The following DOK1 variants were observed in gnomAD, a reference collection of about 807,000 sequenced individuals.
DOK1 encodes the protein docking protein 1.
A neutral mutation model predicts 24.0 loss-of-function variants in DOK1; 12 were observed. The observed-to-expected ratio is 0.50, with a 90% CI of 0.32 to 0.81. DOK1 has a LOEUF of 0.81. Ranked by LOEUF, DOK1 falls within the 30% of genes least tolerant of loss-of-function variation. The pLI is 0.03. For missense variants in DOK1, 591 were observed against 620.7 expected, an observed-to-expected ratio of 0.95 and a Z score of 0.51; for synonymous variants, 250 against 260.9, an observed-to-expected ratio of 0.96 and a Z score of 0.40.
At chr2:74,552,189 A>G, upstream of DOK1, 1 of 804,338 alleles carries the variant, frequency 1.2e-6, no homozygotes, top group South Asian at 1.8e-5. Context: ...TTGGTTTGTC[A>G]TCCATGGATT....
chr2:74,549,690 G>A lies in DOK1; in HGVS notation c.-358+518G>A. 1 of 1,456,908 alleles carries A rather than the reference G, an allele frequency of 6.9e-7. No homozygotes were observed. Among genetic ancestry groups the A allele is most frequent in the Non-Finnish European group, 9.1e-7 (1 of 1,099,742 alleles). 90.2% of individuals were successfully genotyped at this position (1,456,908 alleles called of 1,614,324 possible). ...TGTGCCTGCTGTAAACCCAGTGGCG[G>A]GATGGGCCCGAGGCGGCGCTGAGAG... On this transcript the variant is annotated intron_variant, in intron 1 of 4. Transcript: ENST00000409429. This position sits in a 1 kb window ranked among gnomAD's most constrained non-coding sequence, Gnocchi z 5.3.
chr2:74,552,673 G>A (rs372837797), upstream of DOK1: 73 of 1,483,094 alleles, frequency 4.9e-5, no homozygotes, highest in African/African-American at 2.5e-4. Context: ...CAAAGTGTGC[G>A]TGAGAGAAAC....
At chr2:74,553,004 TGAGA>T (rs1032521443), upstream of DOK1, 4 of 232,742 alleles carry the variant, frequency 1.7e-5, no homozygotes, top group Non-Finnish European at 2.5e-5. Flanking sequence ...ACTGTGGGAA[TGAGA>T]GAGAGAAAAC....
At chr2:74,550,141 G>A, upstream of DOK1, 1 of 1,580,620 alleles carries the variant, frequency 6.3e-7, no homozygotes, top group South Asian at 1.2e-5. Context: ...AGTACTCTCG[G>A]CTATCCTGGG....
rs771315474 is a variant in DOK1 at position 74,549,444 on chromosome 2, C to T, written c.-358+272C>T. 1.9e-6 allele frequency: 3 copies of T among 1,613,308 alleles called. No individual in the cohort carries two copies. The highest frequency in any genetic ancestry group is 2.5e-6 in the Non-Finnish European group (3 of 1,179,760). ...GCAGACCACGTGGCTGTTGTGGGCG[C>T]TCCAGCCTTTGTCGCACACTTGCGA... On this transcript the variant is annotated intron_variant, in intron 1 of 4. Transcript: ENST00000409429. The surrounding 1 kb of genome is among the most constrained non-coding windows in gnomAD (Gnocchi z 5.3).
At chr2:74,552,555 G>A (rs773238218), upstream of DOK1, 10 of 1,611,720 alleles carry the variant, frequency 6.2e-6, no homozygotes, top group East Asian at 4.5e-5. Context: ...GGAAGGGGAC[G>A]GAGACCCCAA....
At position 74,557,103 on chromosome 2, in the gene DOK1, G is replaced by A; in HGVS notation, c.1435G>A (p.Gly479Ser). Residue 479 changes from glycine to serine, a missense_variant, in exon 5 of 5, where the codon GGC becomes AGC. Physicochemically the swap from Gly to Ser is moderately conservative, Grantham distance 56. Transcript: ENST00000233668. ...TGACAAGACTGGGGTCAAGTCAGAG[G>A]GCTCTACCTGAGAAGGACGGCAAGG... ...GTDKTGVKSE[G>S]ST The A allele has an allele frequency of 6.2e-7, 1 of 1,606,476 alleles. No homozygotes were observed. The highest frequency in any genetic ancestry group is 8.5e-7 in the Non-Finnish European group (1 of 1,174,480).
chr2:74,555,054 C>G lies in DOK1; in HGVS notation c.61-100C>G. On this transcript the variant is annotated intron_variant, in intron 1 of 4. Transcript: ENST00000233668. The surrounding 1 kb of genome is among the most constrained non-coding windows in gnomAD (Gnocchi z 6.1). The stretch of plus-strand genomic sequence containing the variant: ...TCGCCCCCAACCCCGTTTGGAAGCC[C>G]CAGATCCCAAATCGACTTGCGCCGC... 6.8e-7 allele frequency: 1 copy of G among 1,465,692 alleles called. No individual in the cohort carries two copies. Among genetic ancestry groups the G allele is most frequent in the East Asian group, 2.4e-5 (1 of 40,956 alleles). The allele number at this position is 1,465,692 out of a possible 1,614,324, so 90.8% of individuals were successfully genotyped here.
chr2:74,555,138 C>G lies in DOK1; in HGVS notation c.61-16C>G, dbSNP rs767256272. The G allele has an allele frequency of 5.6e-6, 9 of 1,601,546 alleles. No individual in the cohort carries two copies. The highest frequency in any genetic ancestry group is 7.7e-6 in the Non-Finnish European group (9 of 1,172,850). On this transcript the variant is annotated splice_polypyrimidine_tract_variant and intron_variant, in intron 1 of 4. Transcript: ENST00000233668. The surrounding 1 kb of genome is among the most constrained non-coding windows in gnomAD (Gnocchi z 6.1). ...CGCACGCCACTCCCTCTCGAGCACT[C>G]TCTCTCTCTCCCTAGAGGTGGAGGA...
At chr2:74,554,680 C>G, upstream of DOK1, 1 of 1,502,256 alleles carries the variant, frequency 6.7e-7, no homozygotes, top group Non-Finnish European at 9.1e-7. This position sits in a 1 kb window ranked among gnomAD's most constrained non-coding sequence, Gnocchi z 4.9. Context: ...GAAACTCCTC[C>G]AGGGAACCCG....
At position 74,557,017 on chromosome 2, in the gene DOK1, G is replaced by T. The variant is rs1283727461; in HGVS notation, c.1349G>T (p.Ser450Ile). The change falls in exon 5 of 5, where the codon AGC (serine) becomes ATC (isoleucine). Residue 450 changes from serine to isoleucine, a missense_variant. Physicochemically the swap from Ser to Ile is moderately radical, Grantham distance 142 (BLOSUM62 -2). Coordinates refer to ENST00000233668, the MANE Select transcript of DOK1 (RefSeq NM_001381.5). Reference protein sequence around the residue: ...GIKSHNSALYSQVQKSGASGS... With the variant: ...GIKSHNSALYIQVQKSGASGS... ...AAAAGCCACAACTCAGCCCTGTACAGCCAGGTCCAGAAGAGCGGGGCCTCA... is the reference window on the plus strand; with the variant it reads ...AAAAGCCACAACTCAGCCCTGTACATCCAGGTCCAGAAGAGCGGGGCCTCA... 6.2e-7 allele frequency: 1 copy of T among 1,614,114 alleles called. No homozygotes were observed. The highest frequency in any genetic ancestry group is 8.5e-7 in the Non-Finnish European group (1 of 1,180,052).
chr2:74,552,795 C>T, upstream of DOK1: 2 of 674,474 alleles, frequency 3.0e-6, no homozygotes, highest in Non-Finnish European at 4.9e-6. Flanking sequence ...GCCCCAGGGA[C>T]CAAGAGACAG....
rs559191779 is a variant in DOK1, at chr2:74,549,130, G to A, written c.-400G>A. 1 of 387,028 alleles carries A rather than the reference G, an allele frequency of 2.6e-6. No individual in the cohort carries two copies. The highest frequency in any genetic ancestry group is 2.1e-5 in the African/African-American group (1 of 48,058). The allele number at this position is 387,028 out of a possible 1,614,324, so 24.0% of individuals were successfully genotyped here. ...GAGGAATCCGCCTGCCCGCCCAGGC[G>A]TCGGCCACGAGAGAGCGGGAGCCTC... On this transcript the variant is annotated 5_prime_UTR_variant, in exon 1 of 5. Transcript: ENST00000409429. The surrounding 1 kb of genome is among the most constrained non-coding windows in gnomAD (Gnocchi z 5.3).
At chr2:74,554,108 G>A (rs1378118827), upstream of DOK1, 1 of 152,752 alleles carries the variant, frequency 6.5e-6, no homozygotes, top group African/African-American at 2.4e-5. This position sits in a 1 kb window ranked among gnomAD's most constrained non-coding sequence, Gnocchi z 4.9. Flanking sequence ...CCTCCCCGTG[G>A]AGCTGGCCAC....
chr2:74,550,836 A>G (rs1676958205), upstream of DOK1, among the ~76,000 whole-genome samples: 2 of 151,928 alleles, frequency 1.3e-5, no homozygotes, highest in Admixed American at 1.3e-4. Context: ...TGAGGCTTGG[A>G]TGTCTAAGAT....
Position 74,554,820 on chromosome 2 carries a change from C to A in DOK1, c.60+6C>A. 3 of 1,614,010 alleles carry A rather than the reference C, an allele frequency of 1.9e-6. No individual in the cohort carries two copies. Among genetic ancestry groups the A allele is most frequent in the Non-Finnish European group, 2.5e-6 (3 of 1,179,954 alleles). On this transcript the variant is annotated splice_donor_region_variant and intron_variant, in intron 1 of 4. Transcript: ENST00000233668. This position sits in a 1 kb window ranked among gnomAD's most constrained non-coding sequence, Gnocchi z 4.9. ...GTCAGCGCTTTGGGACCAAGGTAGT[C>A]TGGCGCATGGATGCCGAACCTTATC...
chr2:74,556,011 A>T lies in DOK1; in HGVS notation c.572A>T (p.Gln191Leu). 6.2e-7 allele frequency: 1 copy of T among 1,613,622 alleles called. No individual in the cohort carries two copies. Among genetic ancestry groups the T allele is most frequent in the Non-Finnish European group, 8.5e-7 (1 of 1,179,746 alleles). ...CTGACTCTCCTGACCGTGGGGGCCC[A>T]GAGTCAGATACTGGAGCCACTCCTG... is the stretch of plus-strand genomic sequence containing the variant. ...ERLTLLTVGA[Q>L]SQILEPLLSW... Residue 191 changes from glutamine (Q) to leucine (L), a missense_variant, in exon 4 of 5, where the codon CAG becomes CTG. Transcript: ENST00000233668. This position sits in a 1 kb window ranked among gnomAD's most constrained non-coding sequence, Gnocchi z 4.1.
At chr2:74,550,116 C>T (rs1328908815), upstream of DOK1, 24 of 1,528,894 alleles carry the variant, frequency 1.6e-5, no homozygotes, top group Middle Eastern at 3.5e-4. Flanking sequence ...CTAATGTCTC[C>T]GCTAACCACC....
chr2:74,556,012 G>C lies in DOK1; in HGVS notation c.573G>C (p.Gln191His), dbSNP rs2104471575. The change falls in exon 4 of 5, where the codon CAG becomes CAC. Residue 191 changes from glutamine (Q) to histidine (H), a missense_variant. Gln to His is a conservative substitution (Grantham distance 24, BLOSUM62 0). Coordinates refer to ENST00000233668, the MANE Select transcript of DOK1 (RefSeq NM_001381.5). This position sits in a 1 kb window ranked among gnomAD's most constrained non-coding sequence, Gnocchi z 4.1. ...ERLTLLTVGA[Q>H]SQILEPLLSW... ...TGACTCTCCTGACCGTGGGGGCCCA[G>C]AGTCAGATACTGGAGCCACTCCTGT... is the stretch of plus-strand genomic sequence containing the variant. 6.2e-7 allele frequency: 1 copy of C among 1,613,690 alleles called. No individual in the cohort carries two copies. The highest frequency in any genetic ancestry group is 1.3e-5 in the African/African-American group (1 of 75,032).
Sources: gnomAD v4.1 joint callset for allele counts (sites outside exome capture counted in the v4.1 genomes callset) on GRCh38, gnomAD v4.1.1 for gene constraint, Gnocchi (gnomAD v3.1) non-coding constraint, MANE v1.5 for transcripts, NCBI Gene and HGNC (gene_info 2026-07-23, HGNC 2026-07-21) for gene names.